The following PTPRD variants were observed in gnomAD, a reference collection of about 807,000 sequenced individuals.
PTPRD encodes protein tyrosine phosphatase receptor type D, also known as receptor-type tyrosine-protein phosphatase delta.
PTPRD carries 34 observed loss-of-function variants against 214.5 expected under a neutral mutation model. That is an observed-to-expected ratio of 0.16 (90% CI 0.12 to 0.21). The LOEUF is 0.21. PTPRD is among the 10% of genes least tolerant of loss of function. The pLI, the probability that PTPRD is intolerant of heterozygous loss-of-function variation, is 1.00. For missense variants in PTPRD, 2,545 were observed against 2,398.7 expected (o/e 1.06, Z -1.27); for synonymous variants, 1,128 against 845.7 (o/e 1.33, Z -5.79).
At chr9:9,740,321 T>C (rs2098380725) in intron 6 of PTPRD, among the ~76,000 whole-genome samples, 1 of 152,100 alleles carries the variant, frequency 6.6e-6, no homozygotes, top group Admixed American at 6.5e-5. Context: ...GTTCAACAGA[T>C]ACTATTATGA....
intron 7 of PTPRD, among the ~76,000 whole-genome samples, chr9:9,593,405 G>A (rs928154779): frequency 2.6e-5 from 4 of 151,730 alleles, no homozygotes; most frequent in African/African-American, 9.7e-5. Flanking sequence ...CAAGGCTTGA[G>A]TATTGAGCAA....
At chr9:9,759,338 C>T (rs2098628668) in intron 6 of PTPRD, among the ~76,000 whole-genome samples, 1 of 152,106 alleles carries the variant, frequency 6.6e-6, no homozygotes, top group African/African-American at 2.4e-5. Flanking sequence ...CCCTAGTGCT[C>T]TGGTAGTCTT....
chr9:8,529,194 T>C (rs2075038008), intron 14 of PTPRD, among the ~76,000 whole-genome samples: 1 of 152,014 alleles, frequency 6.6e-6, no homozygotes, highest in Non-Finnish European at 1.5e-5. Context: ...GTCACAAGTG[T>C]AGGCATTGAG....
At chr9:9,522,157 C>CAAA (rs770450649) in intron 8 of PTPRD, among the ~76,000 whole-genome samples, 60 of 40,070 alleles carry the variant, frequency 1.5e-3, no homozygotes, top group Middle Eastern at 0.014. Context: ...ATCTCCATCT[C>CAAA]AAAAAAAAAA....
intron 11 of PTPRD, among the ~76,000 whole-genome samples, chr9:8,973,917 T>G (rs2154334945): frequency 6.6e-6 from 1 of 152,236 alleles, no homozygotes; most frequent in African/African-American, 2.4e-5. Flanking sequence ...GGTTGTTTTT[T>G]GCTTGTTTAA....
chr9:10,455,467 G>A (rs1026419517), intron 2 of PTPRD, among the ~76,000 whole-genome samples: 1 of 151,538 alleles, frequency 6.6e-6, no homozygotes, highest in Non-Finnish European at 1.5e-5. Flanking sequence ...ATACTTACAT[G>A]TCCAATGACT....
rs34128512 is a variant in PTPRD at position 9,578,045 on chromosome 9, C to CAAAA, written c.-286-3268_-286-3265dup. Among the ~76,000 whole-genome samples, 228 of 102,382 alleles carry CAAAA rather than the reference C, an allele frequency of 2.2e-3. 58 individuals carry two copies. Among genetic ancestry groups the CAAAA allele is most frequent in the African/African-American group, 5.9e-3 (154 of 26,120 alleles). 67.2% of individuals were successfully genotyped at this position (102,382 alleles called of 152,430 possible). A position where few individuals can be genotyped will look rare whatever the true frequency, so the allele number is the denominator to read the frequency against. ...TTGGTGACAGAGTAAGACTCTGTCT[C>CAAAA]AAAAAAAAAAAAAAAAAAAAAAAAA... On this transcript the variant is annotated intron_variant, in intron 7 of 45. Coordinates refer to ENST00000381196, the MANE Select transcript of PTPRD (RefSeq NM_002839.4).
intron 2 of PTPRD, among the ~76,000 whole-genome samples, chr9:10,605,782 G>A (rs1199107866): frequency 6.6e-6 from 1 of 151,734 alleles, no homozygotes; most frequent in African/African-American, 2.4e-5. Flanking sequence ...GTCACAATTG[G>A]GTAGTTTCAA....
intron 3 of PTPRD, among the ~76,000 whole-genome samples, chr9:10,057,790 G>C (rs1326544602): frequency 6.6e-6 from 1 of 151,320 alleles, no homozygotes; most frequent in Non-Finnish European, 1.5e-5. Context: ...TGCAGTGAGA[G>C]GAGATCATAC....
At chr9:8,813,265 G>C (rs939092976) in intron 11 of PTPRD, among the ~76,000 whole-genome samples, 2 of 146,368 alleles carry the variant, frequency 1.4e-5, no homozygotes, top group East Asian at 2.1e-4. Context: ...GAGGAAGGGC[G>C]GGGGGGCAGA....
chr9:8,588,855 A>C (rs2093878039), intron 14 of PTPRD, among the ~76,000 whole-genome samples: 1 of 152,168 alleles, frequency 6.6e-6, no homozygotes, highest in Non-Finnish European at 1.5e-5. Flanking sequence ...TCCCTGTTTC[A>C]AAAGGATAAT....
intron 8 of PTPRD, among the ~76,000 whole-genome samples, chr9:9,432,638 G>A (rs1419179100): frequency 6.6e-6 from 1 of 152,120 alleles, no homozygotes; most frequent in Non-Finnish European, 1.5e-5. Flanking sequence ...CTCTGCCTAA[G>A]GGGAAAATGC....
chr9:9,564,902 T>G (rs1309361241), intron 8 of PTPRD, among the ~76,000 whole-genome samples: 2 of 141,850 alleles, frequency 1.4e-5, no homozygotes, highest in African/African-American at 5.1e-5. Context: ...TTTTTTTTTT[T>G]TTTTTTTTTT....
intron 10 of PTPRD, among the ~76,000 whole-genome samples, chr9:9,131,937 A>G (rs2099843346): frequency 1.3e-5 from 2 of 151,960 alleles, no homozygotes; most frequent in African/African-American, 4.8e-5. Context: ...CAGATGTACT[A>G]TTTCTTTCAT....
chr9:10,009,634 T>G (rs2154103766), intron 4 of PTPRD, among the ~76,000 whole-genome samples: 1 of 152,036 alleles, frequency 6.6e-6, no homozygotes. Context: ...TGTTGAGATC[T>G]TTAAAAGGTG....
At chr9:8,894,479 A>G (rs1367111602) in intron 11 of PTPRD, among the ~76,000 whole-genome samples, 1 of 150,058 alleles carries the variant, frequency 6.7e-6, no homozygotes, top group Non-Finnish European at 1.5e-5. Context: ...ATATAAAAAC[A>G]AAAGTCCATG....
chr9:9,653,949 T>G (rs532237764), intron 7 of PTPRD, among the ~76,000 whole-genome samples: 57 of 152,242 alleles, frequency 3.7e-4, no homozygotes, highest in African/African-American at 1.3e-3. Context: ...ATATATAAAC[T>G]TTTTTATTTT....
chr9:9,751,912 A>G (rs1467498578), intron 6 of PTPRD, among the ~76,000 whole-genome samples: 1 of 152,170 alleles, frequency 6.6e-6, no homozygotes, highest in East Asian at 1.9e-4. Flanking sequence ...GTCACACAGG[A>G]TAAGCTCTTA....
At chr9:8,833,283 G>C (rs1347364383) in intron 11 of PTPRD, among the ~76,000 whole-genome samples, 1 of 152,098 alleles carries the variant, frequency 6.6e-6, no homozygotes, top group East Asian at 1.9e-4. Flanking sequence ...GCATTGATTT[G>C]AGCATGTGAC....
Sources: allele counts gnomAD v4.1 joint callset (sites outside exome capture counted in the v4.1 genomes callset), GRCh38; gene constraint gnomAD v4.1.1; transcripts MANE v1.5; gene names NCBI Gene and HGNC (gene_info 2026-07-23, HGNC 2026-07-21).